KLK15: variants seen among roughly 807,000 people sequenced by gnomAD.
KLK15 encodes kallikrein-15.
KLK15 carries 19 observed loss-of-function variants against 21.1 expected under a neutral mutation model. The ratio of observed to expected loss-of-function variants is 0.90; its 90% CI spans 0.63 to 1.32. The LOEUF (loss-of-function observed/expected upper bound fraction) is 1.32, where lower values mean the gene tolerates loss of function less well. Ranked by LOEUF, KLK15 falls within the 40% of genes most tolerant of loss-of-function variation. The pLI is 0.00. For missense variants in KLK15, 345 were observed against 348.6 expected (o/e 0.99, Z 0.08); for synonymous variants, 141 against 141.5 (o/e 1.00, Z 0.03).
At chr19:50,832,322 C>CTTTCTTTTTTTTTTTTTT (rs1555766936), upstream of KLK15, among the ~76,000 whole-genome samples, 3 of 109,440 alleles carry the variant, frequency 2.7e-5, no homozygotes, top group Non-Finnish European at 5.6e-5. Flanking sequence ...CTTTTTTTTT[C>CTTTCTTTTTTTTTTTTTT]TTTTTTTTTT....
chr19:50,827,038 G>A (rs771589405), exon 3 of KLK15: 4 of 1,606,430 alleles, frequency 2.5e-6, no homozygotes, highest in Non-Finnish European at 3.4e-6. Flanking sequence ...GCAGCAACAT[G>A]ATGTCGTTGC....
intron 1 of KLK15, 80 bp downstream of exon 2, chr19:50,831,370 G>T: frequency 2.9e-6 from 3 of 1,050,650 alleles, no homozygotes; most frequent in Non-Finnish European, 3.9e-6. Flanking sequence ...GGTAGGGGCT[G>T]GCAGATCACT....
At chr19:50,831,511 G>T in exon 1 of KLK15, 1 of 1,458,454 alleles carries the variant, frequency 6.9e-7, no homozygotes, top group Admixed American at 3.3e-5. Flanking sequence ...AGGGACCAGG[G>T]TTCGGCTGCA....
chr19:50,832,322 C>CTTTTTTTTTTTTTTT (rs773163899), upstream of KLK15, among the ~76,000 whole-genome samples: 10 of 109,436 alleles, frequency 9.1e-5, no homozygotes, highest in Non-Finnish European at 1.3e-4. Context: ...CTTTTTTTTT[C>CTTTTTTTTTTTTTTT]TTTTTTTTTT....
At chr19:50,832,331 T>TTTTC (rs2090005160), upstream of KLK15, among the ~76,000 whole-genome samples, 1 of 147,778 alleles carries the variant, frequency 6.8e-6, no homozygotes, top group African/African-American at 2.5e-5. Flanking sequence ...TCTTTTTTTT[T>TTTTC]TTTTTTTTTG....
intron 4 of KLK15, chr19:50,826,364 A>G (rs1278298788): frequency 6.2e-6 from 3 of 481,490 alleles, no homozygotes; most frequent in Admixed American, 7.7e-5. Context: ...CCAGAATCAA[A>G]CCAAACCATT....
At chr19:50,830,176 C>CACACACAT (rs1555766245) in intron 1 of KLK15, among the ~76,000 whole-genome samples, 7 of 151,376 alleles carry the variant, frequency 4.6e-5, no homozygotes, top group African/African-American at 1.7e-4. Flanking sequence ...CACACACACA[C>CACACACAT]ACACACACAC....
chr19:50,826,941 C>G (rs1474255058), exon 3 of KLK15: 2 of 1,598,254 alleles, frequency 1.3e-6, no homozygotes, highest in Non-Finnish European at 1.7e-6. Flanking sequence ...CAGCCAGACA[C>G]CACACAGGCC....
chr19:50,826,473 C>G (rs2089880764), intron 4 of KLK15, 148 bp downstream of exon 5: 3 of 932,298 alleles, frequency 3.2e-6, no homozygotes, highest in Non-Finnish European at 4.7e-6. Context: ...CCAACCTCAC[C>G]CCTATTCTAA....
intron 4 of KLK15, 74 bp downstream of exon 5, chr19:50,826,547 A>G: frequency 6.7e-7 from 1 of 1,491,126 alleles, no homozygotes. Flanking sequence ...AGCAAAGAAA[A>G]TCCAACCCCA....
At chr19:50,827,751 T>G in exon 2 of KLK15, 1 of 1,611,022 alleles carries the variant, frequency 6.2e-7, no homozygotes, top group Non-Finnish European at 8.5e-7. Context: ...AGAGAGCCAC[T>G]TGCCATGGCT....
chr19:50,831,567 G>T, upstream of KLK15: 1 of 1,222,700 alleles, frequency 8.2e-7, no homozygotes, highest in Non-Finnish European at 1.1e-6. Flanking sequence ...GGACCCTTCT[G>T]CCTCCACCAG....
rs1017485682 is a variant in KLK15 at position 50,829,318 on chromosome 19, T to C, written c.44-1503A>G. Among the ~76,000 whole-genome samples the C allele has an allele frequency of 2.0e-5, 3 of 151,750 alleles. No individual in the cohort carries two copies. In the Admixed American group the frequency reaches 2.0e-4, roughly 10 times the overall value. ...GATGAGGTAGGAATGTGTATGTGTG[T>C]GTGTGCATGTGTGTATGTATGGTGA... On this transcript the variant is annotated intron_variant, in intron 1 of 4. Transcript: ENST00000598239.
downstream of KLK15, chr19:50,825,528 TAC>T (rs1490063586): frequency 3.2e-6 from 1 of 313,462 alleles, no homozygotes; most frequent in African/African-American, 2.1e-5. Flanking sequence ...AGGAACAGTG[TAC>T]AGTGTCTCGG....
chr19:50,833,453 A>G (rs927469170), upstream of KLK15, among the ~76,000 whole-genome samples: 14 of 152,190 alleles, frequency 9.2e-5, no homozygotes, highest in Non-Finnish European at 1.6e-4. Context: ...AGCGTGGTCA[A>G]CGTTTCCCCT....
At chr19:50,826,027 A>T in intron 4 of KLK15, 79 bp from the exon 6 acceptor site, 1 of 1,387,124 alleles carries the variant, frequency 7.2e-7, no homozygotes, top group East Asian at 2.4e-5. Flanking sequence ...TTGCAATCTC[A>T]CCCCAAACCC....
At chr19:50,833,164 C>T (rs1279442616), upstream of KLK15, 1 of 152,338 alleles carries the variant, frequency 6.6e-6, no homozygotes, top group African/African-American at 2.4e-5. Flanking sequence ...AGGTCAGGTT[C>T]TTTCTGTGAC....
At position 50,827,633 on chromosome 19, in the gene KLK15, C is replaced by G. The variant is rs78808096; in HGVS notation, c.197+29G>C. 2,207 of 1,604,178 alleles carry G rather than the reference C, an allele frequency of 1.4e-3. 58 individuals are homozygous for G. In the African/African-American group the frequency reaches 0.027, roughly 19 times the overall value. ...AGCTCTTCCCCCCGAACCAGGCTCC[C>G]TCAGGACCCTGAGCCCCTGCCTTCA... is the stretch of plus-strand genomic sequence containing the variant. On this transcript the variant is annotated intron_variant, in intron 2 of 4. Coordinates refer to ENST00000598239, the Ensembl canonical transcript of KLK15.
chr19:50,828,186 T>C (rs1255743802), intron 1 of KLK15, among the ~76,000 whole-genome samples: 1 of 151,496 alleles, frequency 6.6e-6, no homozygotes, highest in African/African-American at 2.4e-5. Flanking sequence ...CTTCAAATGC[T>C]CTGCCCGCCT....
Sources: allele counts gnomAD v4.1 joint callset (sites outside exome capture counted in the v4.1 genomes callset), GRCh38; gene constraint gnomAD v4.1.1; transcripts MANE v1.5; gene names NCBI Gene and HGNC (gene_info 2026-07-23, HGNC 2026-07-21).